PIK3R4: variants seen among roughly 807,000 people sequenced by gnomAD.
PIK3R4 encodes phosphoinositide-3-kinase regulatory subunit 4, also known as phosphoinositide 3-kinase regulatory subunit 4.
In PIK3R4, 46 loss-of-function variants were observed where a neutral mutation model predicts 136.5. That is an observed-to-expected ratio of 0.34 (90% CI 0.27 to 0.43). The LOEUF is 0.43. PIK3R4 is among the 20% of genes least tolerant of loss of function. The pLI is 1.00. For synonymous variants in PIK3R4, 557 were observed against 566.7 expected, an observed-to-expected ratio of 0.98 and a Z score of 0.24; for missense variants, 1,331 against 1,649.5, an observed-to-expected ratio of 0.81 and a Z score of 3.35.
chr3:130,726,341 A>G (rs1318410963), intron 6 of PIK3R4, among the ~76,000 whole-genome samples: 1 of 152,172 alleles, frequency 6.6e-6, no homozygotes, highest in Non-Finnish European at 1.5e-5. Context: ...TATAATATAT[A>G]CATAGCACTT....
chr3:130,680,927 A>G (rs1442106412), intron 18 of PIK3R4, 50 bp downstream of exon 18: 23 of 956,170 alleles, frequency 2.4e-5, no homozygotes, highest in Non-Finnish European at 3.7e-5. Context: ...AGTATCTATA[A>G]TAACAGCTTG....
chr3:130,732,687 C>T (rs1360341299), intron 4 of PIK3R4, among the ~76,000 whole-genome samples: 1 of 151,758 alleles, frequency 6.6e-6, no homozygotes, highest in Non-Finnish European at 1.5e-5. Flanking sequence ...TCACCAATCA[C>T]TTTGTGGGTG....
intron 16 of PIK3R4, among the ~76,000 whole-genome samples, chr3:130,683,727 T>C (rs1000825739): frequency 3.3e-5 from 5 of 152,168 alleles, no homozygotes; most frequent in Admixed American, 3.3e-4. Context: ...GTATGTATTT[T>C]GCATGTTTTA....
At chr3:130,684,039 G>C (rs932736738) in intron 16 of PIK3R4, among the ~76,000 whole-genome samples, 1 of 152,196 alleles carries the variant, frequency 6.6e-6, no homozygotes, top group Non-Finnish European at 1.5e-5. Flanking sequence ...GTGGTGGACA[G>C]TTAAGAATGG....
At chr3:130,714,116 A>G (rs2066648580) in intron 9 of PIK3R4, among the ~76,000 whole-genome samples, 1 of 152,224 alleles carries the variant, frequency 6.6e-6, no homozygotes, top group Non-Finnish European at 1.5e-5. Flanking sequence ...TACTCAGGAG[A>G]AACAACAGAA....
chr3:130,710,016 A>G (rs2066625892), intron 9 of PIK3R4, among the ~76,000 whole-genome samples: 1 of 152,178 alleles, frequency 6.6e-6, no homozygotes. Flanking sequence ...ATTTTATGGT[A>G]GTGAATTGTA....
intron 7 of PIK3R4, among the ~76,000 whole-genome samples, chr3:130,721,336 C>CAA (rs573651423): frequency 6.6e-4 from 50 of 76,210 alleles, no homozygotes; most frequent in African/African-American, 1.5e-3. Flanking sequence ...GACTCCGTCT[C>CAA]AAAAAAAAAA....
chr3:130,694,848 G>A (rs2066537382), intron 13 of PIK3R4, among the ~76,000 whole-genome samples: 1 of 152,036 alleles, frequency 6.6e-6, no homozygotes, highest in Non-Finnish European at 1.5e-5. Flanking sequence ...GGACATTCTT[G>A]TCTAACTCTT....
intron 9 of PIK3R4, among the ~76,000 whole-genome samples, chr3:130,711,072 A>C (rs2066630113): frequency 6.6e-6 from 1 of 152,056 alleles, no homozygotes; most frequent in Non-Finnish European, 1.5e-5. Context: ...ATCAAGCCTA[A>C]GTTATGGTAA....
intron 6 of PIK3R4, chr3:130,726,060 AT>A (rs528553079): frequency 1.3e-5 from 2 of 152,006 alleles, no homozygotes; most frequent in Non-Finnish European, 2.9e-5. Context: ...AGTAATTAAA[AT>A]TTTTTTACTT....
At chr3:130,724,269 T>C (rs1247827386) in intron 6 of PIK3R4, among the ~76,000 whole-genome samples, 2 of 152,298 alleles carry the variant, frequency 1.3e-5, no homozygotes, top group African/African-American at 4.8e-5. Context: ...ATTCCTGAAA[T>C]TGCTCAAGAA....
chr3:130,680,753 C>T, intron 18 of PIK3R4, 32 bp from the exon 19 acceptor site: 1 of 1,341,540 alleles, frequency 7.5e-7, no homozygotes, highest in East Asian at 2.3e-5. Flanking sequence ...ATGACAATCT[C>T]TTCAGGACAA....
At chr3:130,742,505 T>C (rs2066829690) in intron 2 of PIK3R4, among the ~76,000 whole-genome samples, 1 of 152,194 alleles carries the variant, frequency 6.6e-6, no homozygotes, top group Non-Finnish European at 1.5e-5. Flanking sequence ...AACTGGAACT[T>C]TGATGGATTA....
chr3:130,681,536 T>C lies in PIK3R4; in HGVS notation c.3663A>G (p.Arg1221=), dbSNP rs772188400. 8 of 1,613,130 alleles carry C rather than the reference T, an allele frequency of 5.0e-6. No homozygotes were observed. Among genetic ancestry groups the C allele is most frequent in the African/African-American group, 4.0e-5 (3 of 74,876 alleles). Residue 1221 remains arginine, a synonymous_variant, in exon 17 of 20, where the codon AGA becomes AGG. Transcript: ENST00000356763. ...GTGCACTGCTGGCCCAGAGAGTAAA[T>C]CTTCTGTCACCAGTCTCCATGTCCC... The part of the protein sequence containing the change: ...SMWDMETGDR[R]FTLWASSAPP...
At chr3:130,691,209 C>T (rs565874746) in intron 13 of PIK3R4, among the ~76,000 whole-genome samples, 3 of 152,238 alleles carry the variant, frequency 2.0e-5, no homozygotes, top group African/African-American at 7.2e-5. Context: ...TTATACCCTT[C>T]AGTTATTCTA....
intron 14 of PIK3R4, among the ~76,000 whole-genome samples, chr3:130,687,951 G>T (rs1401081167): frequency 6.6e-6 from 1 of 152,124 alleles, no homozygotes; most frequent in Non-Finnish European, 1.5e-5. Context: ...TGTGTTCATT[G>T]CTACGGCAGT....
chr3:130,725,483 A>G (rs1175987367), intron 6 of PIK3R4, among the ~76,000 whole-genome samples: 1 of 151,968 alleles, frequency 6.6e-6, no homozygotes, highest in Non-Finnish European at 1.5e-5. Context: ...TCAATTAAAC[A>G]GTTAAGTGTA....
At chr3:130,689,085 A>G (rs574259391) in intron 14 of PIK3R4, among the ~76,000 whole-genome samples, 2 of 152,356 alleles carry the variant, frequency 1.3e-5, no homozygotes, top group African/African-American at 4.8e-5. Flanking sequence ...TATCTATGAG[A>G]ACAGTTGATA....
At chr3:130,683,554 A>G (rs1235909739) in intron 16 of PIK3R4, among the ~76,000 whole-genome samples, 1 of 152,206 alleles carries the variant, frequency 6.6e-6, no homozygotes, top group Non-Finnish European at 1.5e-5. Context: ...GCTCACAGTA[A>G]TAGCCTTAGA....
Sources: gnomAD v4.1 joint callset for allele counts (sites outside exome capture counted in the v4.1 genomes callset) on GRCh38, gnomAD v4.1.1 for gene constraint, MANE v1.5 for transcripts, NCBI Gene and HGNC (gene_info 2026-07-23, HGNC 2026-07-21) for gene names.